SORCS1: variants seen among roughly 807,000 people sequenced by gnomAD.
SORCS1 encodes the protein VPS10 domain-containing receptor SorCS1.
SORCS1 carries 60 observed loss-of-function variants against 146.1 expected under a neutral mutation model. The ratio of observed to expected loss-of-function variants is 0.41; its 90% CI spans 0.33 to 0.51. The LOEUF (loss-of-function observed/expected upper bound fraction) is 0.51, where lower values mean the gene tolerates loss of function less well. Ranked by LOEUF, SORCS1 falls within the 20% of genes least tolerant of loss-of-function variation. The pLI, the probability that SORCS1 is intolerant of heterozygous loss-of-function variation, is 0.21. For synonymous variants in SORCS1, 637 were observed against 584.0 expected, an observed-to-expected ratio of 1.09 and a Z score of -1.31; for missense variants, 1,352 against 1,487.6, an observed-to-expected ratio of 0.91 and a Z score of 1.50.
chr10:107,178,959 C>G, the SORCS1 span, among the ~76,000 whole-genome samples: 1 of 152,076 alleles, frequency 6.6e-6, no homozygotes, highest in Non-Finnish European at 1.5e-5. Flanking sequence ...TACTGATTTC[C>G]TTTCCTTTGA....
At chr10:106,840,021 CA>C (rs1948955484) in intron 2 of SORCS1, among the ~76,000 whole-genome samples, 2 of 152,144 alleles carry the variant, frequency 1.3e-5, no homozygotes, top group Admixed American at 1.3e-4. Context: ...TGGAGATGTA[CA>C]AGGAAATGGA....
chr10:106,957,165 G>GTTTTTTTTTTTGTTTT (rs374081494), intron 1 of SORCS1, among the ~76,000 whole-genome samples: 2 of 138,036 alleles, frequency 1.4e-5, no homozygotes, highest in Non-Finnish European at 1.5e-5. Flanking sequence ...GTTTTTTTTT[G>GTTTTTTTTTTTGTTTT]TTTTTTTTGT....
At chr10:107,108,410 C>G (rs1166013720) in intron 1 of SORCS1, among the ~76,000 whole-genome samples, 2 of 152,180 alleles carry the variant, frequency 1.3e-5, no homozygotes, top group African/African-American at 4.8e-5. Context: ...AAAGGAGGAA[C>G]AGGCATATCA....
chr10:107,146,911 GAAT>G (rs1968377471), intron 1 of SORCS1, among the ~76,000 whole-genome samples: 1 of 152,026 alleles, frequency 6.6e-6, no homozygotes, highest in African/African-American at 2.4e-5. Flanking sequence ...CATGTCTAGC[GAAT>G]AATAACAGTA....
intron 23 of SORCS1, chr10:106,600,199 T>C (rs928326186): frequency 4.8e-6 from 2 of 414,670 alleles, no homozygotes; most frequent in Non-Finnish European, 6.5e-6. Flanking sequence ...ATTTATAATC[T>C]CCAGGAGAGA....
chr10:106,751,114 C>G (rs12247891), intron 5 of SORCS1, among the ~76,000 whole-genome samples: 22,969 of 123,714 alleles, frequency 0.19, 3,452 homozygotes, highest in East Asian at 0.46. Context: ...GGTGCAAAAG[C>G]GTTAGCAAGC....
At chr10:106,988,382 A>G (rs1055476093) in intron 1 of SORCS1, among the ~76,000 whole-genome samples, 1 of 152,176 alleles carries the variant, frequency 6.6e-6, no homozygotes, top group Non-Finnish European at 1.5e-5. Flanking sequence ...TCTCACTACC[A>G]CTGGCTAAGG....
intron 2 of SORCS1, among the ~76,000 whole-genome samples, chr10:106,868,843 A>G (rs1197155155): frequency 6.6e-6 from 1 of 152,192 alleles, no homozygotes; most frequent in African/African-American, 2.4e-5. Context: ...CCAAAATCAG[A>G]GCTGAACTAA....
chr10:107,024,089 G>A (rs749911299), intron 1 of SORCS1, among the ~76,000 whole-genome samples: 8 of 150,534 alleles, frequency 5.3e-5, no homozygotes, highest in African/African-American at 1.2e-4. Flanking sequence ...CAGGAGAATC[G>A]CTTGAATCCC....
In SORCS1 at chr10:106,607,266, A is replaced by C; in HGVS notation, c.3065T>G (p.Val1022Gly). The C allele has an allele frequency of 6.2e-7, 1 of 1,614,098 alleles. No individual in the cohort carries two copies. Among genetic ancestry groups the C allele is most frequent in the Middle Eastern group, 1.7e-4 (1 of 6,060 alleles). ...ATGVPGQHILVAVLPGLPTTA... is the reference protein window; with the variant it reads ...ATGVPGQHILGAVLPGLPTTA... ...GGTGGGTAAGCCAGGGAGCACCGCCACCAGGATGTGCTGGCCTGGAACCCC... is the reference window on the plus strand; with the variant it reads ...GGTGGGTAAGCCAGGGAGCACCGCCCCCAGGATGTGCTGGCCTGGAACCCC... Residue 1022 changes from valine to glycine, a missense_variant, in exon 23 of 26, where the codon GTG (valine) becomes GGG (glycine). Transcript: ENST00000263054.
intron 5 of SORCS1, among the ~76,000 whole-genome samples, chr10:106,754,275 A>G (rs905161710): frequency 6.6e-6 from 1 of 152,212 alleles, no homozygotes; most frequent in Non-Finnish European, 1.5e-5. Flanking sequence ...AGAAGCTTCT[A>G]GAGGCCACTG....
intron 5 of SORCS1, among the ~76,000 whole-genome samples, chr10:106,751,058 C>CAAAAAAAAAAAAAAAAA (rs35691571): frequency 5.3e-4 from 12 of 22,444 alleles, no homozygotes; most frequent in South Asian, 1.5e-3. Flanking sequence ...GACTCCGTCT[C>CAAAAAAAAAAAAAAAAA]AAAAAAAAAA....
chr10:106,609,288 A>G (rs1846814891), intron 22 of SORCS1, among the ~76,000 whole-genome samples: 1 of 152,240 alleles, frequency 6.6e-6, no homozygotes, highest in South Asian at 2.1e-4. Context: ...ATTGTGCCTG[A>G]ATAATCTTCA....
chr10:106,759,305 C>T (rs1204622310), intron 5 of SORCS1, among the ~76,000 whole-genome samples: 1 of 152,094 alleles, frequency 6.6e-6, no homozygotes, highest in African/African-American at 2.4e-5. Context: ...ATCATTGGCT[C>T]CTAAAAGGTC....
At position 106,679,618 on chromosome 10, in the gene SORCS1, G is replaced by T. The variant is rs763754931; in HGVS notation, c.1663+14C>A. On this transcript the variant is annotated intron_variant, in intron 11 of 25. Coordinates refer to ENST00000263054, the MANE Select transcript of SORCS1 (RefSeq NM_052918.5). ...ACTATTTACCACAGCCAGCAAACCA[G>T]GTAAGCTTCTTACCTGATGCCACTA... 4 of 1,600,016 alleles carry T rather than the reference G, an allele frequency of 2.5e-6. No homozygotes were observed. Among genetic ancestry groups the T allele is most frequent in the South Asian group, 1.1e-5 (1 of 89,278 alleles).
intron 8 of SORCS1, among the ~76,000 whole-genome samples, chr10:106,706,278 A>C (rs1185047432): frequency 2.0e-5 from 3 of 151,670 alleles, no homozygotes; most frequent in African/African-American, 7.3e-5. Flanking sequence ...AAAAGAAAGT[A>C]AGATGAAGGA....
intron 2 of SORCS1, among the ~76,000 whole-genome samples, chr10:106,949,967 A>G (rs1239742473): frequency 2.0e-5 from 3 of 152,218 alleles, no homozygotes; most frequent in Non-Finnish European, 4.4e-5. Flanking sequence ...AGATGAATAT[A>G]TTTCTTCTCA....
chr10:107,144,394 C>G (rs1396238206), intron 1 of SORCS1, among the ~76,000 whole-genome samples: 1 of 152,170 alleles, frequency 6.6e-6, no homozygotes, highest in African/African-American at 2.4e-5. Context: ...GTAAACAAAA[C>G]TCAAAACTGT....
intron 7 of SORCS1, among the ~76,000 whole-genome samples, chr10:106,707,063 C>G (rs1322645903): frequency 6.6e-6 from 1 of 152,088 alleles, no homozygotes; most frequent in East Asian, 1.9e-4. Context: ...GCACTGAATT[C>G]CAGTTTGATG....
Sources: gnomAD v4.1 joint callset for allele counts (sites outside exome capture counted in the v4.1 genomes callset) on GRCh38, gnomAD v4.1.1 for gene constraint, MANE v1.5 for transcripts, NCBI Gene and HGNC (gene_info 2026-07-23, HGNC 2026-07-21) for gene names.